ADAMTS17: variants seen among roughly 807,000 people sequenced by gnomAD.
ADAMTS17 encodes A disintegrin and metalloproteinase with thrombospondin motifs 17.
In ADAMTS17, 113 loss-of-function variants were observed where a neutral mutation model predicts 141.5. The ratio of observed to expected loss-of-function variants is 0.80; its 90% CI spans 0.69 to 0.93. The LOEUF is 0.93. ADAMTS17 is among the 40% of genes least tolerant of loss of function. The probability of loss-of-function intolerance (pLI) is 0.00; values close to 1 mark genes in which losing one functional copy is unlikely to be tolerated. For synonymous variants in ADAMTS17, 768 were observed against 630.6 expected (o/e 1.22, Z -3.27); for missense variants, 1,659 against 1,517.9 (o/e 1.09, Z -1.54).
chr15:100,222,399 T>A lies in ADAMTS17; in HGVS notation c.1076-22976A>T, dbSNP rs77688998. Among the ~76,000 whole-genome samples the A allele has an allele frequency of 6.6e-3, 1,009 of 152,156 alleles. 9 individuals are homozygous for A. The highest frequency in any genetic ancestry group is 0.022 in the African/African-American group (930 of 41,496). ...GCACGTCTGAACAGAAAGACATGAT[T>A]CAAATAAGCGTGGCTTTGTTCTGCC... is the stretch of plus-strand genomic sequence containing the variant. On this transcript the variant is annotated intron_variant, in intron 7 of 21. Coordinates refer to ENST00000268070, the MANE Select transcript of ADAMTS17 (RefSeq NM_139057.4).
intron 7 of ADAMTS17, among the ~76,000 whole-genome samples, chr15:100,207,095 G>A (rs1385543737): frequency 2.0e-5 from 3 of 152,196 alleles, no homozygotes; most frequent in African/African-American, 7.2e-5. Context: ...TTGGAGACAG[G>A]GCCTTCAGGG....
In ADAMTS17 at chr15:100,262,345, G is replaced by A. The variant is rs747199558; in HGVS notation, c.873+7C>T. 6 of 1,613,328 alleles carry A rather than the reference G, an allele frequency of 3.7e-6. No individual in the cohort carries two copies. The highest frequency in any genetic ancestry group is 5.1e-6 in the Non-Finnish European group (6 of 1,179,464). ...TGCTTGCTTGAAAGGTGCCTGTGGG[G>A]ACTTACGGGACGTTGTCGTAGCAGG... On this transcript the variant is annotated splice_region_variant and intron_variant, in intron 5 of 21. Coordinates refer to ENST00000268070, the MANE Select transcript of ADAMTS17 (RefSeq NM_139057.4).
intron 10 of ADAMTS17, among the ~76,000 whole-genome samples, chr15:100,134,777 T>C (rs866041044): frequency 1.4e-4 from 21 of 152,204 alleles, no homozygotes; most frequent in African/African-American, 5.1e-4. Context: ...TTTTCACGTA[T>C]GTCGGAGCTG....
At chr15:100,149,650 G>A (rs986970319) in intron 10 of ADAMTS17, among the ~76,000 whole-genome samples, 4 of 152,162 alleles carry the variant, frequency 2.6e-5, no homozygotes, top group South Asian at 2.1e-4. Flanking sequence ...AATTAGCTTC[G>A]ACTGTGTGGT....
intron 20 of ADAMTS17, among the ~76,000 whole-genome samples, chr15:99,984,889 A>G (rs1416154814): frequency 1.3e-5 from 2 of 152,058 alleles, no homozygotes; most frequent in Non-Finnish European, 2.9e-5. Flanking sequence ...CTGATCTCTC[A>G]CTCCCTGCAA....
chr15:100,031,898 T>C (rs963158399), intron 18 of ADAMTS17, among the ~76,000 whole-genome samples: 4 of 152,126 alleles, frequency 2.6e-5, no homozygotes, highest in African/African-American at 7.2e-5. Flanking sequence ...GCTGAGTGAA[T>C]TGAGCACTGA....
At chr15:100,340,927 T>C in intron 2 of ADAMTS17, 112 bp downstream of exon 2, 1 of 1,451,684 alleles carries the variant, frequency 6.9e-7, no homozygotes, top group Non-Finnish European at 9.2e-7. Flanking sequence ...TTCCCTCCGG[T>C]TCCCCTGGAG....
At chr15:100,247,132 C>T (rs2043013328) in intron 7 of ADAMTS17, among the ~76,000 whole-genome samples, 1 of 152,112 alleles carries the variant, frequency 6.6e-6, no homozygotes, top group South Asian at 2.1e-4. Context: ...AGTGATCCAC[C>T]CACCTCGGCC....
chr15:99,977,349 CATATATATATATATATATAT>C lies in ADAMTS17; in HGVS notation c.2950-1147_2950-1128del, dbSNP rs71151927. On this transcript the variant is annotated intron_variant, in intron 20 of 21. Coordinates refer to ENST00000268070, the MANE Select transcript of ADAMTS17 (RefSeq NM_139057.4). ...GGTTCTGTTCTCCGTCCCTCCTCTT[CATATATATATATATATATAT>C]ATATATATATATATATATATATATA... Among the ~76,000 whole-genome samples the C allele has an allele frequency of 1.5e-3, 44 of 30,332 alleles. No homozygotes were observed. The East Asian group carries it at 0.015, about 10-fold the overall frequency. 19.9% of individuals were successfully genotyped at this position (30,332 alleles called of 152,430 possible). A position where few individuals can be genotyped will look rare whatever the true frequency, so the allele number is the denominator to read the frequency against.
At chr15:100,141,337 G>T (rs1159555573) in intron 10 of ADAMTS17, among the ~76,000 whole-genome samples, 2 of 152,290 alleles carry the variant, frequency 1.3e-5, no homozygotes, top group Admixed American at 6.5e-5. Context: ...GACTGTGAAG[G>T]TCATGTTGCT....
At chr15:100,190,956 G>A (rs546634928) in intron 8 of ADAMTS17, among the ~76,000 whole-genome samples, 7 of 152,296 alleles carry the variant, frequency 4.6e-5, no homozygotes, top group East Asian at 1.9e-4. Context: ...ACATAGCGCC[G>A]TGGGAAGGGA....
At chr15:100,260,538 C>G (rs1335364293) in intron 6 of ADAMTS17, among the ~76,000 whole-genome samples, 1 of 151,622 alleles carries the variant, frequency 6.6e-6, no homozygotes, top group Non-Finnish European at 1.5e-5. Context: ...CACTTGAACC[C>G]AGGACGCAGA....
chr15:99,984,742 T>A (rs2060550801), intron 20 of ADAMTS17, among the ~76,000 whole-genome samples: 1 of 152,232 alleles, frequency 6.6e-6, no homozygotes, highest in Non-Finnish European at 1.5e-5. Context: ...CTTAACCACC[T>A]GCCCTGCTCT....
In ADAMTS17 at chr15:99,997,540, A is replaced by C. The variant is rs1266645277; in HGVS notation, c.2641T>G (p.Phe881Val). ...ACGCAGGTCACCTCCCGGTGCTGGAAGCCTTTCTCACAGGTCGCCGAGCAG... is the reference window on the plus strand; with the variant it reads ...ACGCAGGTCACCTCCCGGTGCTGGACGCCTTTCTCACAGGTCGCCGAGCAG... Reference protein sequence around the residue: ...SPCSATCEKGFQHREVTCVYQ... With the variant: ...SPCSATCEKGVQHREVTCVYQ... The change falls in exon 19 of 22, where the codon TTC becomes GTC. Residue 881 changes from phenylalanine (F) to valine (V), a missense_variant. Phe to Val is a conservative substitution (Grantham distance 50, BLOSUM62 -1). Coordinates refer to ENST00000268070, the MANE Select transcript of ADAMTS17 (RefSeq NM_139057.4). The surrounding 1 kb of genome is among the most constrained non-coding windows in gnomAD (Gnocchi z 4.7). 6 of 1,613,474 alleles carry C rather than the reference A, an allele frequency of 3.7e-6. No homozygotes were observed. In the South Asian group the frequency reaches 6.6e-5, roughly 18 times the overall value.
chr15:100,261,756 T>C, intron 5 of ADAMTS17, 120 bp from the exon 6 acceptor site: 1 of 1,187,214 alleles, frequency 8.4e-7, no homozygotes, highest in Non-Finnish European at 1.2e-6. Context: ...ATTTGATGAC[T>C]CACGGCCCTC....
At chr15:100,237,810 G>A (rs1278976418) in intron 7 of ADAMTS17, among the ~76,000 whole-genome samples, 1 of 152,146 alleles carries the variant, frequency 6.6e-6, no homozygotes, top group African/African-American at 2.4e-5. Flanking sequence ...TTTTAGTAGA[G>A]ACAGGGTTTC....
chr15:100,014,178 G>A (rs1046596533), intron 18 of ADAMTS17, among the ~76,000 whole-genome samples: 3 of 152,126 alleles, frequency 2.0e-5, no homozygotes, highest in African/African-American at 7.2e-5. Context: ...ACATAAAGAT[G>A]TTCACAGTAG....
intron 2 of ADAMTS17, among the ~76,000 whole-genome samples, chr15:100,331,520 G>T (rs181736433): frequency 6.6e-6 from 1 of 152,044 alleles, no homozygotes; most frequent in Non-Finnish European, 1.5e-5. Context: ...AAAACAATTT[G>T]CCCTCCTTCA....
At chr15:100,083,597 T>G (rs77459204) in intron 15 of ADAMTS17, among the ~76,000 whole-genome samples, 1,760 of 152,178 alleles carry the variant, frequency 0.012, 39 homozygotes, top group African/African-American at 0.041. Context: ...GCAAATGCCT[T>G]GGCATTGTTA....
Sources: allele counts gnomAD v4.1 joint callset (sites outside exome capture counted in the v4.1 genomes callset), GRCh38; gene constraint gnomAD v4.1.1; non-coding constraint Gnocchi (gnomAD v3.1); transcripts MANE v1.5; gene names NCBI Gene and HGNC (gene_info 2026-07-23, HGNC 2026-07-21).